TACR1: variants seen among roughly 807,000 people sequenced by gnomAD.
TACR1 encodes tachykinin receptor 1.
In TACR1, 25 loss-of-function variants were observed where a neutral mutation model predicts 35.8. The ratio of observed to expected loss-of-function variants is 0.70; its 90% CI spans 0.51 to 0.98. The LOEUF (loss-of-function observed/expected upper bound fraction) is 0.98, where lower values mean the gene tolerates loss of function less well. Among genes scored for constraint, TACR1 ranks in the 50% least tolerant of loss-of-function variants. The pLI, the probability that TACR1 is intolerant of heterozygous loss-of-function variation, is 0.00. For missense variants in TACR1, 478 were observed against 522.9 expected (o/e 0.91, Z 0.84); for synonymous variants, 195 against 206.7 (o/e 0.94, Z 0.48).
At chr2:75,111,708 G>T (rs906619591) in intron 2 of TACR1, among the ~76,000 whole-genome samples, 3 of 151,932 alleles carry the variant, frequency 2.0e-5, no homozygotes, top group Non-Finnish European at 4.4e-5. Flanking sequence ...TCAGAATAGG[G>T]TATACTGTAT....
intron 2 of TACR1, among the ~76,000 whole-genome samples, chr2:75,070,587 GC>G (rs1672858943): frequency 6.6e-6 from 1 of 152,162 alleles, no homozygotes; most frequent in South Asian, 2.1e-4. Flanking sequence ...ATGGCAACAA[GC>G]CTCAAGTTTC....
intron 2 of TACR1, among the ~76,000 whole-genome samples, chr2:75,089,896 A>G (rs1361535563): frequency 6.6e-6 from 1 of 152,174 alleles, no homozygotes; most frequent in Non-Finnish European, 1.5e-5. Flanking sequence ...CAAACAAACA[A>G]ATTTCTGGAA....
At chr2:75,085,693 G>C (rs1673176190) in intron 2 of TACR1, among the ~76,000 whole-genome samples, 1 of 152,112 alleles carries the variant, frequency 6.6e-6, no homozygotes, top group East Asian at 1.9e-4. Context: ...AGATAATGAG[G>C]GTAATAACGG....
intron 2 of TACR1, among the ~76,000 whole-genome samples, chr2:75,061,430 C>T (rs1050103893): frequency 1.5e-4 from 22 of 149,954 alleles, no homozygotes; most frequent in Non-Finnish European, 2.1e-4. Flanking sequence ...TACTTGGCCA[C>T]GAAAGGGAGA....
At chr2:75,064,567 GA>G (rs1044616626) in intron 2 of TACR1, among the ~76,000 whole-genome samples, 1 of 152,210 alleles carries the variant, frequency 6.6e-6, no homozygotes, top group African/African-American at 2.4e-5. Flanking sequence ...ATGACAGAAA[GA>G]GGGGCGAGAA....
intron 1 of TACR1, among the ~76,000 whole-genome samples, chr2:75,190,524 G>A (rs1026698643): frequency 6.6e-6 from 1 of 152,236 alleles, no homozygotes; most frequent in Non-Finnish European, 1.5e-5. Flanking sequence ...AGGAGGCTGA[G>A]ACAAGAATGG....
intron 2 of TACR1, among the ~76,000 whole-genome samples, chr2:75,086,551 T>C (rs755904888): frequency 6.6e-6 from 1 of 152,138 alleles, no homozygotes; most frequent in Non-Finnish European, 1.5e-5. Flanking sequence ...CCCAGTCCAT[T>C]GTACTATATC....
intron 2 of TACR1, among the ~76,000 whole-genome samples, chr2:75,082,028 G>A (rs181150009): frequency 2.1e-4 from 32 of 151,234 alleles, no homozygotes; most frequent in East Asian, 1.4e-3. Context: ...CCATTAACTC[G>A]TCATTTACAT....
intron 2 of TACR1, among the ~76,000 whole-genome samples, chr2:75,084,604 A>C (rs1283349432): frequency 3.3e-5 from 5 of 152,198 alleles, no homozygotes; most frequent in African/African-American, 7.2e-5. Context: ...TTAATTTCAG[A>C]GCCTGTTATT....
chr2:75,173,648 G>C (rs569985007), intron 1 of TACR1, among the ~76,000 whole-genome samples: 1 of 152,298 alleles, frequency 6.6e-6, no homozygotes, highest in African/African-American at 2.4e-5. Flanking sequence ...GGAGGAAACA[G>C]CTCCTTCCCT....
rs1558535433 is a variant in TACR1, at chr2:75,049,121, C to T, written c.*311G>A. On this transcript the variant is annotated 3_prime_UTR_variant, in exon 5 of 5. Coordinates refer to ENST00000305249, the MANE Select transcript of TACR1 (RefSeq NM_001058.4). The stretch of plus-strand genomic sequence containing the variant: ...CAGAATTCATCCTGAAATGAGCACT[C>T]GCATGCAGCCAAAGTCACTTCCAGA... 6 of 330,302 alleles carry T rather than the reference C, an allele frequency of 1.8e-5. No homozygotes were observed. In the East Asian group the frequency reaches 2.3e-4, roughly 13 times the overall value. The allele number at this position is 330,302 out of a possible 1,614,324, so 20.5% of individuals were successfully genotyped here.
intron 1 of TACR1, among the ~76,000 whole-genome samples, chr2:75,138,448 T>C (rs6722428): frequency 0.5 from 76,362 of 151,998 alleles, 19,997 homozygotes; most frequent in African/African-American, 0.55. Flanking sequence ...AAGGTGGTGG[T>C]TACTCAAGTA....
chr2:75,128,018 A>G (rs907711903), intron 1 of TACR1, among the ~76,000 whole-genome samples: 9 of 152,164 alleles, frequency 5.9e-5, no homozygotes. Flanking sequence ...CTCCTGTTCT[A>G]TCCCATCACT....
rs200415478 is a variant in TACR1 at position 75,049,671 on chromosome 2, C to T, written c.985G>A (p.Gly329Ser). 8.6e-5 allele frequency: 138 copies of T among 1,613,976 alleles called. No homozygotes were observed. The highest frequency in any genetic ancestry group is 1.6e-4 in the Middle Eastern group (1 of 6,082). ...AFRCCPFISA[G>S]DYEGLEMKST... ...TTCATTTCCAGCCCCTCATAGTCGC[C>T]GGCGCTGATGAAGGGGCAGCACCGG... Residue 329 changes from glycine (G) to serine (S), a missense_variant, in exon 5 of 5, where the codon GGC (glycine) becomes AGC (serine). Coordinates refer to ENST00000305249, the MANE Select transcript of TACR1 (RefSeq NM_001058.4).
chr2:75,099,314 T>C (rs1304369111), intron 2 of TACR1, among the ~76,000 whole-genome samples: 1 of 152,206 alleles, frequency 6.6e-6, no homozygotes, highest in East Asian at 1.9e-4. Flanking sequence ...GGGATATGCA[T>C]GACTTTTTAA....
intron 1 of TACR1, among the ~76,000 whole-genome samples, chr2:75,128,395 G>T (rs565750271): frequency 6.6e-6 from 1 of 152,190 alleles, no homozygotes; most frequent in Non-Finnish European, 1.5e-5. Context: ...TTTTTGCAGA[G>T]CCAGGGCTAC....
rs116434131 is a variant in TACR1, at chr2:75,077,446, T to C, written c.585-23691A>G. Among the ~76,000 whole-genome samples the C allele has an allele frequency of 2.5e-3, 385 of 152,310 alleles. 3 individuals carry two copies. The highest frequency in any genetic ancestry group is 9.0e-3 in the African/African-American group (375 of 41,568). On this transcript the variant is annotated intron_variant, in intron 2 of 4. Coordinates refer to ENST00000305249, the MANE Select transcript of TACR1 (RefSeq NM_001058.4). ...TAGATGGACCTACTGTGAATTTTCA[T>C]TCCTGTAAGGTAGACTCTTCCAGAA...
chr2:75,103,887 A>G (rs1673589482), intron 2 of TACR1, among the ~76,000 whole-genome samples: 1 of 152,148 alleles, frequency 6.6e-6, no homozygotes, highest in African/African-American at 2.4e-5. Flanking sequence ...GTAACCACAA[A>G]GCAGAAACAT....
At chr2:75,050,895 C>A (rs1470740347) in intron 4 of TACR1, 4 of 320,860 alleles carry the variant, frequency 1.2e-5, no homozygotes, top group Non-Finnish European at 2.4e-5. Flanking sequence ...AATAAACTCA[C>A]AGGCCATGGC....
Sources: gnomAD v4.1 joint callset for allele counts (sites outside exome capture counted in the v4.1 genomes callset) on GRCh38, gnomAD v4.1.1 for gene constraint, MANE v1.5 for transcripts, NCBI Gene and HGNC (gene_info 2026-07-23, HGNC 2026-07-21) for gene names.